The following CCSER1 variants were observed in gnomAD, a reference collection of about 807,000 sequenced individuals.
CCSER1 encodes the protein coiled-coil serine rich protein 1.
Under a neutral mutation model 82.0 loss-of-function variants are expected in CCSER1, and 41 were observed. The ratio of observed to expected loss-of-function variants is 0.50; its 90% CI spans 0.39 to 0.65. CCSER1 has a LOEUF of 0.65. Among genes scored for constraint, CCSER1 ranks in the 30% least tolerant of loss-of-function variants. CCSER1 has a pLI of 0.00. For missense variants in CCSER1, 1,119 were observed against 1,064.2 expected, an observed-to-expected ratio of 1.05 and a Z score of -0.72; for synonymous variants, 414 against 383.9, an observed-to-expected ratio of 1.08 and a Z score of -0.92.
intron 1 of CCSER1, among the ~76,000 whole-genome samples, chr4:90,233,864 TAAC>T (rs756025281): frequency 1.1e-4 from 17 of 152,172 alleles, no homozygotes; most frequent in African/African-American, 1.2e-4. Context: ...AATTAGCACA[TAAC>T]AACATAAATA....
At chr4:91,469,622 G>A (rs1757150651) in intron 10 of CCSER1, among the ~76,000 whole-genome samples, 1 of 152,042 alleles carries the variant, frequency 6.6e-6, no homozygotes, top group South Asian at 2.1e-4. Context: ...ACTTCCCTAG[G>A]TTGAGTTAGG....
chr4:90,422,519 C>T lies in CCSER1; in HGVS notation c.1603+22390C>T, dbSNP rs1756851670. Among the ~76,000 whole-genome samples the T allele has an allele frequency of 2.0e-5, 3 of 152,184 alleles. No individual in the cohort carries two copies. In the South Asian group the frequency reaches 6.2e-4, roughly 32 times the overall value. ...CTGGGGTGGGAGGATCGCTTACACC[C>T]AGGAAGTTGAGGCTGCTGTGAGTCA... On this transcript the variant is annotated intron_variant, in intron 4 of 10. Transcript: ENST00000509176.
At chr4:90,485,926 G>A (rs992614415) in intron 5 of CCSER1, among the ~76,000 whole-genome samples, 2 of 151,872 alleles carry the variant, frequency 1.3e-5, no homozygotes, top group Admixed American at 6.6e-5. Context: ...CGTATATACT[G>A]GCTAACTTCT....
chr4:91,008,957 A>G (rs937066295), intron 9 of CCSER1, among the ~76,000 whole-genome samples: 1 of 152,346 alleles, frequency 6.6e-6, no homozygotes, highest in Non-Finnish European at 1.5e-5. Flanking sequence ...CCCAGTGACT[A>G]GTGTTCAGCT....
chr4:91,085,262 A>G (rs1034133637), intron 9 of CCSER1, among the ~76,000 whole-genome samples: 1 of 152,136 alleles, frequency 6.6e-6, no homozygotes, highest in Admixed American at 6.6e-5. Context: ...TAGTGTGAAC[A>G]TTTTTAAATT....
At chr4:91,313,695 T>C (rs1745644738) in intron 10 of CCSER1, among the ~76,000 whole-genome samples, 1 of 151,888 alleles carries the variant, frequency 6.6e-6, no homozygotes, top group Non-Finnish European at 1.5e-5. Flanking sequence ...GGATTCCACC[T>C]TGAGTCCGAG....
intron 9 of CCSER1, among the ~76,000 whole-genome samples, chr4:90,956,374 A>G (rs1236205527): frequency 6.6e-6 from 1 of 152,168 alleles, no homozygotes; most frequent in Non-Finnish European, 1.5e-5. Flanking sequence ...GCTAAGGCAT[A>G]GGATTTTCCT....
chr4:91,156,821 C>A lies in CCSER1; in HGVS notation c.2217+70827C>A, dbSNP rs771339457. Among the ~76,000 whole-genome samples the A allele has an allele frequency of 4.5e-4, 68 of 151,950 alleles. 1 individual carries two copies. The highest frequency in any genetic ancestry group is 6.8e-3 in the Middle Eastern group (2 of 294). On this transcript the variant is annotated intron_variant, in intron 10 of 10. Coordinates refer to ENST00000509176, the MANE Select transcript of CCSER1 (RefSeq NM_001145065.2). ...ATGCCCTAGATTTCATTTGCTGCCA[C>A]CTTTTCTGGGATGTATTTTGGGTTA...
intron 5 of CCSER1, among the ~76,000 whole-genome samples, chr4:90,499,577 T>C: frequency 6.6e-6 from 1 of 152,300 alleles, no homozygotes; most frequent in East Asian, 1.9e-4. Context: ...GTTTTGTTTT[T>C]ATTTTTTTCA....
intron 7 of CCSER1, among the ~76,000 whole-genome samples, chr4:90,757,589 A>G (rs1320516239): frequency 6.6e-6 from 1 of 152,200 alleles, no homozygotes; most frequent in African/African-American, 2.4e-5. Flanking sequence ...GGTTCTACGT[A>G]GTGCTCCAGA....
Position 90,572,516 on chromosome 4 carries a change from ATTTCT to A in CCSER1, c.1725-55504_1725-55500del, listed in dbSNP as rs368268966. 4.4e-3 allele frequency among the ~76,000 whole-genome samples: 661 copies of A among 151,536 alleles called. 5 individuals carry two copies. Among genetic ancestry groups the A allele is most frequent in the African/African-American group, 0.016 (642 of 41,338 alleles). ...TTCTTTAAATCTCATAAGTTTTTTCATTTCTTTTCATTTTTTCTCCTCTGCATTTG... is the reference window on the plus strand; with the variant it reads ...TTCTTTAAATCTCATAAGTTTTTTCATTTCATTTTTTCTCCTCTGCATTTG... On this transcript the variant is annotated intron_variant, in intron 5 of 10. Transcript: ENST00000509176.
At chr4:90,874,424 GT>G (rs909083967) in intron 8 of CCSER1, among the ~76,000 whole-genome samples, 3 of 127,062 alleles carry the variant, frequency 2.4e-5, no homozygotes, top group Non-Finnish European at 3.4e-5. Flanking sequence ...TTTAGAAGAA[GT>G]TTTTTTTCCC....
chr4:90,994,156 A>G (rs1737284347), intron 9 of CCSER1, among the ~76,000 whole-genome samples: 1 of 151,872 alleles, frequency 6.6e-6, no homozygotes, highest in South Asian at 2.1e-4. Flanking sequence ...TTATCATCAC[A>G]TGAATAACCA....
chr4:90,814,652 C>T (rs1200370943), intron 7 of CCSER1, among the ~76,000 whole-genome samples: 2 of 152,164 alleles, frequency 1.3e-5, no homozygotes, highest in Non-Finnish European at 2.9e-5. Context: ...CCACCAGGTA[C>T]CTTAAATCAT....
In CCSER1 at chr4:91,451,670, T is replaced by C. The variant is rs1457403958; in HGVS notation, c.2218-146902T>C. ...CATGAGCATGTTGAAAAATTCTGCA[T>C]GTAACATACAATATGCACCCAAATT... On this transcript the variant is annotated intron_variant, in intron 10 of 10. Transcript: ENST00000509176. 2.0e-5 allele frequency among the ~76,000 whole-genome samples: 3 copies of C among 152,142 alleles called. No homozygotes were observed. The East Asian group carries it at 5.8e-4, about 29-fold the overall frequency.
At chr4:90,749,786 C>T (rs1441066350) in intron 7 of CCSER1, among the ~76,000 whole-genome samples, 18 of 151,818 alleles carry the variant, frequency 1.2e-4, no homozygotes, top group East Asian at 7.8e-4. Context: ...GCATGATTTA[C>T]AGTCCTTTGG....
chr4:91,604,050 C>A lies in CCSER1; in HGVS notation c.*4993C>A, dbSNP rs1181712418. ...AAATTTAGTTTATAGCACTCATTTT[C>A]AGGTCAAAGAGCCCACTTCCCTAAT... On this transcript the variant is annotated 3_prime_UTR_variant, in exon 11 of 11. Transcript: ENST00000509176. 1.3e-5 allele frequency: 2 copies of A among 152,064 alleles called. No individual in the cohort carries two copies. Among genetic ancestry groups the A allele is most frequent in the Non-Finnish European group, 1.5e-5 (1 of 68,004 alleles). The allele number at this position is 152,064 out of a possible 1,614,324, so 9.4% of individuals were successfully genotyped here. A position where few individuals can be genotyped will look rare whatever the true frequency, so the allele number is the denominator to read the frequency against.
At chr4:90,855,047 G>C (rs1434566355) in intron 8 of CCSER1, among the ~76,000 whole-genome samples, 2 of 151,978 alleles carry the variant, frequency 1.3e-5, no homozygotes, top group Non-Finnish European at 2.9e-5. Flanking sequence ...CAAATAACCA[G>C]ATCTCGTGAG....
chr4:90,612,876 G>A (rs1720517028), intron 5 of CCSER1, among the ~76,000 whole-genome samples: 1 of 152,184 alleles, frequency 6.6e-6, no homozygotes. Context: ...AAGGGTCAGA[G>A]TGGTGAGGGC....
Sources: gnomAD v4.1 joint callset for allele counts (sites outside exome capture counted in the v4.1 genomes callset) on GRCh38, gnomAD v4.1.1 for gene constraint, MANE v1.5 for transcripts, NCBI Gene and HGNC (gene_info 2026-07-23, HGNC 2026-07-21) for gene names.